Variants in OGFOD1 observed in about 807,000 individuals in gnomAD.
OGFOD1 encodes 2-oxoglutarate and iron dependent oxygenase domain containing 1.
Under a neutral mutation model 67.7 loss-of-function variants are expected in OGFOD1, and 54 were observed. That is an observed-to-expected ratio of 0.80 (90% CI 0.64 to 1.00). The LOEUF is 1.00. Ranked by LOEUF, OGFOD1 falls within the 50% of genes least tolerant of loss-of-function variation. The pLI, the probability that OGFOD1 is intolerant of heterozygous loss-of-function variation, is 0.00. For missense variants in OGFOD1, 606 were observed against 646.7 expected (o/e 0.94, Z 0.68); for synonymous variants, 221 against 227.0 (o/e 0.97, Z 0.24).
At chr16:56,455,135 A>C (rs1325458581) in intron 2 of OGFOD1, among the ~76,000 whole-genome samples, 1 of 152,246 alleles carries the variant, frequency 6.6e-6, no homozygotes, top group African/African-American at 2.4e-5. Flanking sequence ...TGGGAGGCTG[A>C]GGCGGGCAGA....
chr16:56,458,610 T>C lies in OGFOD1; in HGVS notation c.347+16T>C, dbSNP rs1489450035. 1 of 1,606,700 alleles carries C rather than the reference T, an allele frequency of 6.2e-7. No homozygotes were observed. The highest frequency in any genetic ancestry group is 8.5e-7 in the Non-Finnish European group (1 of 1,173,350). ...CCACTTTAAGGTAAACAAGTAATCA[T>C]ATTTGTTGGGTGCTAATATGTGCCA... On this transcript the variant is annotated intron_variant, in intron 3 of 12. Transcript: ENST00000566157.
chr16:56,470,130 A>T (rs1397045355), intron 9 of OGFOD1, 48 bp downstream of exon 9: 1 of 1,518,716 alleles, frequency 6.6e-7, no homozygotes, highest in Non-Finnish European at 9.1e-7. Context: ...AGCACCTATA[A>T]CATTTTTTTA....
rs749552757 is a variant in OGFOD1 at position 56,475,491 on chromosome 16, GTTTTTC to G, written c.1409-14_1409-9del. 74 of 1,613,238 alleles carry G rather than the reference GTTTTTC, an allele frequency of 4.6e-5. No homozygotes were observed. The highest frequency in any genetic ancestry group is 6.1e-5 in the Non-Finnish European group (72 of 1,179,352). On this transcript the variant is annotated splice_polypyrimidine_tract_variant and intron_variant, in intron 11 of 12. Transcript: ENST00000566157. The stretch of plus-strand genomic sequence containing the variant: ...AATAGGAGCTTTCTGAATGCTGTTT[GTTTTTC>G]TCTTGTAAGGCTGGGAGCCAGAATA...
At chr16:56,473,178 C>T (rs1446482770) in intron 10 of OGFOD1, among the ~76,000 whole-genome samples, 1 of 152,204 alleles carries the variant, frequency 6.6e-6, no homozygotes, top group African/African-American at 2.4e-5. Flanking sequence ...GATCCGCCCA[C>T]CCTGGCCTCC....
chr16:56,454,426 G>C (rs774139840), intron 2 of OGFOD1, among the ~76,000 whole-genome samples: 40 of 150,588 alleles, frequency 2.7e-4, no homozygotes, highest in Non-Finnish European at 5.5e-4. Context: ...CATTGCAGTA[G>C]GGCAAAGCGT....
intron 8 of OGFOD1, 56 bp from the exon 9 acceptor site, chr16:56,469,947 C>T: frequency 1.4e-6 from 2 of 1,480,278 alleles, no homozygotes; most frequent in Non-Finnish European, 1.9e-6. Context: ...CCTGCCAAAC[C>T]AGTGCGGGGT....
intron 10 of OGFOD1, among the ~76,000 whole-genome samples, chr16:56,472,856 A>G (rs1320009997): frequency 6.6e-6 from 1 of 152,152 alleles, no homozygotes; most frequent in Non-Finnish European, 1.5e-5. Flanking sequence ...ATCCTTTATA[A>G]CAATAGAACA....
At position 56,468,795 on chromosome 16, in the gene OGFOD1, C is replaced by A. The variant is rs115901182; in HGVS notation, c.900+777C>A. 3.2e-3 allele frequency among the ~76,000 whole-genome samples: 484 copies of A among 151,716 alleles called. 3 individuals carry two copies. Among genetic ancestry groups the A allele is most frequent in the African/African-American group, 0.011 (463 of 41,374 alleles). ...GGCTCTGTGGTTTTACTAACCTGGG[C>A]AGATCACTAAATCACTCTGGGTATT... On this transcript the variant is annotated intron_variant, in intron 8 of 12. Coordinates refer to ENST00000566157, the MANE Select transcript of OGFOD1 (RefSeq NM_018233.4).
chr16:56,459,112 G>T (rs930814347), intron 3 of OGFOD1, among the ~76,000 whole-genome samples: 4 of 152,056 alleles, frequency 2.6e-5, no homozygotes, highest in Non-Finnish European at 4.4e-5. Flanking sequence ...AGGCCGAGGC[G>T]GGTGGATCAC....
rs56140946 is a variant in OGFOD1, at chr16:56,456,437, T to C, written c.301-2111T>C. The stretch of plus-strand genomic sequence containing the variant: ...TAAGTTCAAAACTAAACTTCTGGTC[T>C]TCTCCCTCTAAATCTGCTCCACCTG... On this transcript the variant is annotated intron_variant, in intron 2 of 12. Coordinates refer to ENST00000566157, the MANE Select transcript of OGFOD1 (RefSeq NM_018233.4). 5.6e-3 allele frequency among the ~76,000 whole-genome samples: 851 copies of C among 152,328 alleles called. 6 individuals are homozygous for C. Among genetic ancestry groups the C allele is most frequent in the African/African-American group, 0.019 (796 of 41,576 alleles).
intron 4 of OGFOD1, among the ~76,000 whole-genome samples, chr16:56,464,406 C>T (rs1251252388): frequency 6.6e-6 from 1 of 152,114 alleles, no homozygotes; most frequent in Non-Finnish European, 1.5e-5. Flanking sequence ...TATCCCATTT[C>T]TCATCAAAGT....
chr16:56,473,139 C>T (rs1963282352), intron 10 of OGFOD1, among the ~76,000 whole-genome samples: 1 of 152,142 alleles, frequency 6.6e-6, no homozygotes, highest in African/African-American at 2.4e-5. Context: ...ACCGTGTTAG[C>T]CAGGATGGTC....
At position 56,475,543 on chromosome 16, in the gene OGFOD1, T is replaced by C. The variant is rs1359987500; in HGVS notation, c.1445T>C (p.Ile482Thr). The C allele has an allele frequency of 6.2e-7, 1 of 1,614,058 alleles. No homozygotes were observed. Among genetic ancestry groups the C allele is most frequent in the South Asian group, 1.1e-5 (1 of 91,074 alleles). The change falls in exon 12 of 13, where the codon ATT becomes ACT. Residue 482 changes from isoleucine to threonine, a missense_variant. By Grantham distance (89) the Ile-to-Thr change is moderately conservative (BLOSUM62 -1). Coordinates refer to ENST00000566157, the MANE Select transcript of OGFOD1 (RefSeq NM_018233.4). ...EPEYGGFTSYIAKGEDEELLT... is the reference protein window; with the variant it reads ...EPEYGGFTSYTAKGEDEELLT... ...GAATATGGCGGTTTTACTTCTTACA[T>C]TGCCAAAGGTGAAGATGAAGAGGTA... is the stretch of plus-strand genomic sequence containing the variant.
rs1334256566 is a variant in OGFOD1 at position 56,451,686 on chromosome 16, A to G, written c.74A>G (p.Glu25Gly). 6.2e-7 allele frequency: 1 copy of G among 1,613,930 alleles called. No homozygotes were observed. The highest frequency in any genetic ancestry group is 8.5e-7 in the Non-Finnish European group (1 of 1,180,016). Residue 25 changes from glutamate to glycine, a missense_variant, in exon 1 of 13, where the codon GAG becomes GGG. Glu to Gly is a moderately conservative substitution (Grantham distance 98). Transcript: ENST00000566157. The stretch of plus-strand genomic sequence containing the variant: ...AAGGGAAAGAAGGAGGTGATGGCGG[A>G]GTTTTCGGACGCTGTTACGGAAGAA... The part of the protein sequence containing the change: ...GKKGKKEVMA[E>G]FSDAVTEETL...
chr16:56,470,979 A>G (rs1963145343), intron 10 of OGFOD1, among the ~76,000 whole-genome samples, 188 bp downstream of exon 10: 1 of 152,202 alleles, frequency 6.6e-6, no homozygotes, highest in African/African-American at 2.4e-5. Flanking sequence ...CAGAGATTAA[A>G]TGTATACATG....
rs56388148 is a variant in OGFOD1 at position 56,463,384 on chromosome 16, G to GTTTTTTT, written c.448+774_448+780dup. 7.1e-4 allele frequency among the ~76,000 whole-genome samples: 31 copies of GTTTTTTT among 43,810 alleles called. 1 individual carries two copies. Among genetic ancestry groups the GTTTTTTT allele is most frequent in the East Asian group, 1.6e-3 (2 of 1,290 alleles). 28.7% of individuals were successfully genotyped at this position (43,810 alleles called of 152,430 possible). A position where few individuals can be genotyped will look rare whatever the true frequency, so the allele number is the denominator to read the frequency against. ...TACTGCCATGTCATTTCTTTTTTGG[G>GTTTTTTT]TTTTTTTTTTTTTTTTTTTTTTTTT... On this transcript the variant is annotated intron_variant, in intron 4 of 12. Transcript: ENST00000566157.
intron 3 of OGFOD1, among the ~76,000 whole-genome samples, chr16:56,460,540 A>G (rs545376214): frequency 1.6e-3 from 238 of 152,366 alleles, no homozygotes; most frequent in Middle Eastern, 3.4e-3. Context: ...CCCATTTTAC[A>G]TAATTTCCAA....
chr16:56,454,444 G>T (rs572527111), intron 2 of OGFOD1, among the ~76,000 whole-genome samples: 1 of 142,756 alleles, frequency 7.0e-6, no homozygotes. Context: ...CGTTAAATCC[G>T]TTCTTTTTTT....
intron 10 of OGFOD1, 60 bp downstream of exon 10, chr16:56,470,851 A>G (rs1963138179): frequency 6.9e-7 from 1 of 1,441,554 alleles, no homozygotes; most frequent in African/African-American, 1.4e-5. Context: ...TCAAACATGT[A>G]TTCATTCAAC....
Sources: gnomAD v4.1 joint callset for allele counts (sites outside exome capture counted in the v4.1 genomes callset) on GRCh38, gnomAD v4.1.1 for gene constraint, MANE v1.5 for transcripts, NCBI Gene and HGNC (gene_info 2026-07-23, HGNC 2026-07-21) for gene names.